STXBP5: variants seen among roughly 807,000 people sequenced by gnomAD.
The protein encoded by STXBP5 is syntaxin-binding protein 5.
STXBP5 carries 50 observed loss-of-function variants against 152.4 expected under a neutral mutation model. That is an observed-to-expected ratio of 0.33 (90% CI 0.26 to 0.42). STXBP5 has a LOEUF of 0.42. STXBP5 is among the 10% of genes least tolerant of loss of function. The pLI is 1.00. For missense variants in STXBP5, 1,167 were observed against 1,388.6 expected, an observed-to-expected ratio of 0.84 and a Z score of 2.54; for synonymous variants, 492 against 494.7, an observed-to-expected ratio of 0.99 and a Z score of 0.07.
rs1381043074 is a variant in STXBP5 at position 147,389,354 on chromosome 6, T to G, written c.*4599T>G. The G allele has an allele frequency of 6.6e-6, 1 of 151,842 alleles. No homozygotes were observed. The highest frequency in any genetic ancestry group is 6.6e-5 in the Admixed American group (1 of 15,226). 9.4% of individuals were successfully genotyped at this position (151,842 alleles called of 1,614,324 possible). On this transcript the variant is annotated 3_prime_UTR_variant, in exon 28 of 28. Transcript: ENST00000321680. ...CCTTTCTCAGATGAATTAAATGATT[T>G]TAATAACTTCCCAATTACCAGGGTT...
chr6:147,278,097 C>T lies in STXBP5; in HGVS notation c.731C>T (p.Ala244Val), dbSNP rs1780532688. The T allele has an allele frequency of 1.9e-6, 3 of 1,612,234 alleles. No homozygotes were observed. The African/African-American group carries it at 4.0e-5, about 22-fold the overall frequency. ...CTTCTATAGGCTATCCACTCTGTTG[C>T]TTGGCATCATGAAGGAAAACAATTT... is the stretch of plus-strand genomic sequence containing the variant. ...YTYDEAIHSVAWHHEGKQFIC... is the reference protein window; with the variant it reads ...YTYDEAIHSVVWHHEGKQFIC... The change falls in exon 8 of 28, where the codon GCT becomes GTT. Residue 244 changes from alanine (A) to valine (V), a missense_variant. Around this residue, in one of 3 missense-constraint regions of STXBP5, gnomAD observed 310 missense variants for 346.1 expected, o/e 0.90. Transcript: ENST00000321680.
chr6:147,351,771 C>A, intron 21 of STXBP5: 1 of 804,094 alleles, frequency 1.2e-6, no homozygotes, highest in Non-Finnish European at 1.5e-6. Flanking sequence ...CCCTTCCAAC[C>A]CCCATTCCTT....
At chr6:147,290,370 G>A (rs1781218239) in intron 8 of STXBP5, among the ~76,000 whole-genome samples, 1 of 152,320 alleles carries the variant, frequency 6.6e-6, no homozygotes, top group Admixed American at 6.5e-5. Flanking sequence ...TTAGGGGTGA[G>A]TGTCAGGAAT....
At chr6:147,235,933 TAGAG>T (rs1167308454) in intron 3 of STXBP5, among the ~76,000 whole-genome samples, 3 of 152,180 alleles carry the variant, frequency 2.0e-5, no homozygotes, top group African/African-American at 2.4e-5. Flanking sequence ...CAAGTATTGA[TAGAG>T]AGGGAAAGCT....
chr6:147,310,846 A>C (rs955485924), intron 10 of STXBP5, among the ~76,000 whole-genome samples: 11 of 152,304 alleles, frequency 7.2e-5, no homozygotes, highest in Middle Eastern at 3.4e-3. Flanking sequence ...TTTAAATGCT[A>C]ATCACATCTG....
intron 2 of STXBP5, among the ~76,000 whole-genome samples, chr6:147,209,862 A>AT (rs1343001585): frequency 6.6e-6 from 1 of 152,168 alleles, no homozygotes; most frequent in East Asian, 1.9e-4. Context: ...GGAAAAGGGA[A>AT]TTATGCGAGT....
intron 8 of STXBP5, among the ~76,000 whole-genome samples, chr6:147,284,212 G>A (rs1040765469): frequency 6.6e-6 from 1 of 152,010 alleles, no homozygotes; most frequent in Non-Finnish European, 1.5e-5. Flanking sequence ...TTGAGTGCAC[G>A]GTAGACTTAC....
intron 16 of STXBP5, among the ~76,000 whole-genome samples, chr6:147,318,181 A>G (rs1166375968): frequency 6.6e-6 from 1 of 152,156 alleles, no homozygotes; most frequent in Non-Finnish European, 1.5e-5. Context: ...CCATCAATGC[A>G]CTGCTTTCTC....
intron 2 of STXBP5, among the ~76,000 whole-genome samples, chr6:147,233,833 A>C (rs567403667): frequency 3.2e-4 from 48 of 150,146 alleles, no homozygotes; most frequent in African/African-American, 9.2e-4. Flanking sequence ...TACTACTCCT[A>C]CTACTACTAC....
intron 22 of STXBP5, among the ~76,000 whole-genome samples, chr6:147,354,866 A>G (rs75001945): frequency 0.033 from 4,995 of 152,236 alleles, 80 homozygotes; most frequent in Middle Eastern, 0.054. Flanking sequence ...TTGCCTAAGT[A>G]ATGTCCCTCA....
chr6:147,268,140 T>C (rs1437974906), intron 7 of STXBP5, among the ~76,000 whole-genome samples: 2 of 152,212 alleles, frequency 1.3e-5, no homozygotes, highest in African/African-American at 4.8e-5. Flanking sequence ...AACTTAAACA[T>C]ATTTGATATA....
At chr6:147,248,701 G>T (rs759884682) in intron 4 of STXBP5, among the ~76,000 whole-genome samples, 8 of 152,160 alleles carry the variant, frequency 5.3e-5, no homozygotes, top group African/African-American at 1.7e-4. Context: ...GGGCCCCAAG[G>T]TATCTACCCT....
At chr6:147,215,533 A>G (rs1166972061) in intron 2 of STXBP5, among the ~76,000 whole-genome samples, 1 of 152,044 alleles carries the variant, frequency 6.6e-6, no homozygotes, top group African/African-American at 2.4e-5. Flanking sequence ...GGTGCACGCC[A>G]CCACGCCTGG....
At chr6:147,218,934 C>T (rs1649185260) in intron 2 of STXBP5, among the ~76,000 whole-genome samples, 1 of 152,164 alleles carries the variant, frequency 6.6e-6, no homozygotes, top group African/African-American at 2.4e-5. Context: ...AATCTATGTG[C>T]ATACCTTTTA....
At chr6:147,289,275 T>C (rs1315333522) in intron 8 of STXBP5, among the ~76,000 whole-genome samples, 1 of 152,216 alleles carries the variant, frequency 6.6e-6, no homozygotes, top group Non-Finnish European at 1.5e-5. Context: ...CTGTATCATC[T>C]TGGAAGTTGA....
intron 2 of STXBP5, among the ~76,000 whole-genome samples, chr6:147,230,040 G>A (rs911877736): frequency 1.3e-5 from 2 of 151,688 alleles, no homozygotes; most frequent in Non-Finnish European, 2.9e-5. Flanking sequence ...TCTATTTCTG[G>A]TTTTATTGAG....
At chr6:147,350,247 CTTTTA>C (rs936135758) in intron 21 of STXBP5, among the ~76,000 whole-genome samples, 11 of 151,838 alleles carry the variant, frequency 7.2e-5, no homozygotes, top group African/African-American at 2.4e-4. Context: ...TAGAAAAAAA[CTTTTA>C]TTCTATGGGA....
chr6:147,223,655 C>T (rs1228894405), intron 2 of STXBP5, among the ~76,000 whole-genome samples: 2 of 152,124 alleles, frequency 1.3e-5, no homozygotes, highest in Non-Finnish European at 2.9e-5. Context: ...CCAAAATGTA[C>T]AAACAATGCC....
intron 21 of STXBP5, among the ~76,000 whole-genome samples, chr6:147,344,254 A>G (rs2128400653): frequency 6.6e-6 from 1 of 152,178 alleles, no homozygotes; most frequent in African/African-American, 2.4e-5. Flanking sequence ...CCCTCTATTG[A>G]ACTGTCTTTT....
Sources: gnomAD v4.1 joint callset for allele counts (sites outside exome capture counted in the v4.1 genomes callset) on GRCh38, gnomAD v4.1.1 for gene constraint, gnomAD v4.1.1 regional missense constraint, MANE v1.5 for transcripts, NCBI Gene and HGNC (gene_info 2026-07-23, HGNC 2026-07-21) for gene names.